Variants in WDR41 observed in about 807,000 individuals in gnomAD.
WDR41 encodes the protein WD repeat domain 41.
A neutral mutation model predicts 69.3 loss-of-function variants in WDR41; 63 were observed. That is an observed-to-expected ratio of 0.91 (90% confidence interval 0.74 to 1.12). WDR41 has a LOEUF of 1.12. Among genes scored for constraint, WDR41 ranks in the 50% most tolerant of loss-of-function variants. WDR41 has a pLI of 0.00. For missense variants in WDR41, 543 were observed against 534.5 expected (o/e 1.02, Z -0.16); for synonymous variants, 185 against 192.1 (o/e 0.96, Z 0.31).
At chr5:77,487,959 G>A (rs2112107983) in intron 2 of WDR41, among the ~76,000 whole-genome samples, 1 of 152,298 alleles carries the variant, frequency 6.6e-6, no homozygotes, top group East Asian at 1.9e-4. Flanking sequence ...CTTGAGACAT[G>A]GAAGCTTTGC....
At chr5:77,464,933 C>T in intron 2 of WDR41, 124 bp from the exon 3 acceptor site, 1 of 947,542 alleles carries the variant, frequency 1.1e-6, no homozygotes, top group Non-Finnish European at 1.6e-6. Flanking sequence ...GTTATTTCAG[C>T]TAATTTAAAA....
intron 1 of WDR41, among the ~76,000 whole-genome samples, chr5:77,609,146 G>C (rs913469637): frequency 4.6e-5 from 7 of 152,258 alleles, no homozygotes; most frequent in Non-Finnish European, 1.0e-4. Context: ...AAACAAAGCA[G>C]CTGGGAAGCT....
chr5:77,558,002 A>AT (rs1454335245), intron 1 of WDR41, among the ~76,000 whole-genome samples: 39 of 152,026 alleles, frequency 2.6e-4, no homozygotes, highest in African/African-American at 9.4e-4. Context: ...AGTGAGTAAG[A>AT]ACAAGCAAAT....
intron 1 of WDR41, among the ~76,000 whole-genome samples, chr5:77,554,162 T>A (rs1743348627): frequency 6.6e-6 from 1 of 152,152 alleles, no homozygotes; most frequent in South Asian, 2.1e-4. Context: ...AATGATATAG[T>A]GTTTTATAAT....
intron 1 of WDR41, among the ~76,000 whole-genome samples, chr5:77,501,584 C>A (rs1243795814): frequency 6.6e-6 from 1 of 152,186 alleles, no homozygotes; most frequent in East Asian, 1.9e-4. Context: ...CAAGTGGGTC[C>A]CTGACCCCTA....
At chr5:77,615,508 T>C (rs1304892556) in intron 1 of WDR41, among the ~76,000 whole-genome samples, 1 of 152,082 alleles carries the variant, frequency 6.6e-6, no homozygotes, top group Non-Finnish European at 1.5e-5. Context: ...CTATTTTTTC[T>C]ACATTTGAAT....
intron 1 of WDR41, among the ~76,000 whole-genome samples, chr5:77,550,644 A>G (rs1319351045): frequency 2.0e-5 from 3 of 152,216 alleles, no homozygotes; most frequent in Non-Finnish European, 4.4e-5. Flanking sequence ...GGAATGTACG[A>G]ATTAGTTTAA....
chr5:77,444,213 G>GCTAATTCC (rs1336342131), intron 8 of WDR41, among the ~76,000 whole-genome samples: 2 of 151,978 alleles, frequency 1.3e-5, no homozygotes, highest in African/African-American at 4.8e-5. Context: ...TTTACACATG[G>GCTAATTCC]CAAACTAATT....
At position 77,557,157 on chromosome 5, in the gene WDR41, C is replaced by G. The variant is rs111509343; in HGVS notation, c.42+63322G>C. Among the ~76,000 whole-genome samples, 137 of 152,166 alleles carry G rather than the reference C, an allele frequency of 9.0e-4. 1 individual carries two copies. The highest frequency in any genetic ancestry group is 6.8e-3 in the Middle Eastern group (2 of 294). ...CAAAATTGAAGAATATCTTTATGATCTCAAGGTAGTGAAAGATTTACTAGA... is the reference window on the plus strand; with the variant it reads ...CAAAATTGAAGAATATCTTTATGATGTCAAGGTAGTGAAAGATTTACTAGA... On this transcript the variant is annotated intron_variant, in intron 1 of 5. Transcript: ENST00000509971.
intron 1 of WDR41, among the ~76,000 whole-genome samples, chr5:77,530,533 C>T (rs919073481): frequency 3.3e-5 from 5 of 151,634 alleles, no homozygotes; most frequent in African/African-American, 9.7e-5. Context: ...CTGAACAAGT[C>T]TATTTATATG....
At chr5:77,598,376 G>A (rs1181206315) in intron 1 of WDR41, among the ~76,000 whole-genome samples, 4 of 152,190 alleles carry the variant, frequency 2.6e-5, no homozygotes, top group African/African-American at 7.2e-5. Context: ...CAGAGCCAAT[G>A]ACAGTCAATG....
chr5:77,584,395 A>G (rs1364657563), intron 1 of WDR41, among the ~76,000 whole-genome samples: 1 of 152,234 alleles, frequency 6.6e-6, no homozygotes, highest in African/African-American at 2.4e-5. Context: ...GCAAGGTTGC[A>G]ATAAACCAAA....
chr5:77,570,900 T>C (rs760499848), intron 1 of WDR41, among the ~76,000 whole-genome samples: 8 of 151,964 alleles, frequency 5.3e-5, no homozygotes, highest in Non-Finnish European at 1.0e-4. Context: ...TGAACATAAA[T>C]GGTAAGTTTT....
At chr5:77,574,352 T>C (rs1189042023) in intron 1 of WDR41, among the ~76,000 whole-genome samples, 1 of 152,080 alleles carries the variant, frequency 6.6e-6, no homozygotes, top group East Asian at 1.9e-4. Flanking sequence ...TGGGCAGTGA[T>C]TGTATTTAGC....
intron 2 of WDR41, among the ~76,000 whole-genome samples, chr5:77,469,080 C>T (rs555162529): frequency 5.3e-4 from 81 of 152,214 alleles, no homozygotes; most frequent in African/African-American, 1.9e-3. Context: ...GATGAGTTCA[C>T]GTCCTTTGTA....
chr5:77,483,498 G>A (rs1801378132), intron 2 of WDR41, among the ~76,000 whole-genome samples: 1 of 146,336 alleles, frequency 6.8e-6, no homozygotes, highest in African/African-American at 2.6e-5. Context: ...GTGTGTGTGT[G>A]TGTGTGTGTG....
At chr5:77,484,599 C>T (rs375763885) in intron 2 of WDR41, among the ~76,000 whole-genome samples, 63 of 152,084 alleles carry the variant, frequency 4.1e-4, no homozygotes, top group Non-Finnish European at 6.2e-4. Flanking sequence ...GGCATAAGTA[C>T]GTTAATAGCT....
At chr5:77,598,563 T>G (rs1489549272) in intron 1 of WDR41, among the ~76,000 whole-genome samples, 2 of 151,532 alleles carry the variant, frequency 1.3e-5, no homozygotes, top group Non-Finnish European at 2.9e-5. Flanking sequence ...AGAACTAGGC[T>G]CAGTGAACAA....
intron 1 of WDR41, among the ~76,000 whole-genome samples, chr5:77,579,556 A>G (rs946658511): frequency 1.2e-4 from 19 of 152,210 alleles, no homozygotes; most frequent in Admixed American, 1.1e-3. Context: ...CCTGTCAAAC[A>G]AGAATCCTAT....
Sources: allele counts gnomAD v4.1 joint callset (sites outside exome capture counted in the v4.1 genomes callset), GRCh38; gene constraint gnomAD v4.1.1; transcripts MANE v1.5; gene names NCBI Gene and HGNC (gene_info 2026-07-23, HGNC 2026-07-21).